The following THOC5 variants were observed in gnomAD, a reference collection of about 807,000 sequenced individuals.
The protein encoded by THOC5 is THO complex subunit 5, also known as Fms-interacting protein.
A neutral mutation model predicts 92.9 loss-of-function variants in THOC5; 43 were observed. The ratio of observed to expected loss-of-function variants is 0.46; its 90% CI spans 0.36 to 0.60. The LOEUF (loss-of-function observed/expected upper bound fraction) is 0.60, where lower values mean the gene tolerates loss of function less well. THOC5 is among the 20% of genes least tolerant of loss of function. The probability of loss-of-function intolerance (pLI) is 0.00; values close to 1 mark genes in which losing one functional copy is unlikely to be tolerated. For synonymous variants in THOC5, 296 were observed against 320.1 expected, an observed-to-expected ratio of 0.92 and a Z score of 0.80; for missense variants, 659 against 849.4, an observed-to-expected ratio of 0.78 and a Z score of 2.79.
chr22:29,545,621 G>A (rs1053031376), intron 2 of THOC5, among the ~76,000 whole-genome samples: 1 of 152,182 alleles, frequency 6.6e-6, no homozygotes, highest in African/African-American at 2.4e-5. Context: ...GTAGGGCAGT[G>A]AAATTTTAAA....
chr22:29,546,470 C>T (rs1279938446), intron 2 of THOC5, among the ~76,000 whole-genome samples: 1 of 151,922 alleles, frequency 6.6e-6, no homozygotes, highest in Non-Finnish European at 1.5e-5. Flanking sequence ...GGTCTTGTCG[C>T]CCAGGCTGGA....
chr22:29,516,712 A>G (rs145524444), intron 17 of THOC5, among the ~76,000 whole-genome samples: 3 of 152,340 alleles, frequency 2.0e-5, no homozygotes, highest in South Asian at 4.1e-4. Flanking sequence ...GATGTCCGGT[A>G]CTAGAAAGCG....
At chr22:29,544,411 C>T in intron 3 of THOC5, 49 bp downstream of exon 3, 2 of 1,586,030 alleles carry the variant, frequency 1.3e-6, no homozygotes, top group Non-Finnish European at 1.7e-6. Context: ...AAAACAGCCT[C>T]ATCTATGTAA....
At chr22:29,544,334 C>T (rs969381212) in intron 3 of THOC5, 126 bp downstream of exon 3, 4 of 993,242 alleles carry the variant, frequency 4.0e-6, no homozygotes, top group Non-Finnish European at 5.6e-6. Context: ...TGGGAGCCCT[C>T]AGGCTCCAAT....
rs1174951008 is a variant in THOC5 at position 29,544,537 on chromosome 22, A to G, written c.163T>C (p.Tyr55His). 2 of 1,614,024 alleles carry G rather than the reference A, an allele frequency of 1.2e-6. No homozygotes were observed. Among genetic ancestry groups the G allele is most frequent in the Non-Finnish European group, 8.5e-7 (1 of 1,179,982 alleles). ...LRDPGRDYEL[Y>H]KYTCQELQRL... ...TGTAGCTCCTGGCAGGTGTACTTGTATAACTCATAGTCTCTGCCAGGGTCC... is the reference window on the plus strand; with the variant it reads ...TGTAGCTCCTGGCAGGTGTACTTGTGTAACTCATAGTCTCTGCCAGGGTCC... The change falls in exon 3 of 20, where the codon TAC becomes CAC. Residue 55 changes from tyrosine (Y) to histidine (H), a missense_variant. By Grantham distance (83) the Tyr-to-His change is moderately conservative. Coordinates refer to ENST00000490103, the MANE Select transcript of THOC5 (RefSeq NM_003678.5).
At chr22:29,508,849 G>A (rs778882074) in intron 19 of THOC5, among the ~76,000 whole-genome samples, 2 of 151,948 alleles carry the variant, frequency 1.3e-5, no homozygotes, top group African/African-American at 4.8e-5. Flanking sequence ...AGGCTGGAGT[G>A]CAGTGGCGTG....
chr22:29,534,454 G>A (rs1437659056), intron 7 of THOC5: 3 of 151,760 alleles, frequency 2.0e-5, no homozygotes, highest in East Asian at 1.9e-4. Flanking sequence ...GTAATATATG[G>A]TACACTGTTT....
chr22:29,509,579 A>ACT (rs1221754421), intron 19 of THOC5, among the ~76,000 whole-genome samples: 1 of 152,248 alleles, frequency 6.6e-6, no homozygotes, highest in Non-Finnish European at 1.5e-5. Context: ...GGATGCTGGG[A>ACT]CTGCTTCTAG....
At chr22:29,541,879 AAAAAAAAAAAAAAAATAT>A (rs2063898916) in intron 5 of THOC5, among the ~76,000 whole-genome samples, 1 of 70,836 alleles carries the variant, frequency 1.4e-5, no homozygotes, top group Non-Finnish European at 3.0e-5. Context: ...AAAAAAAAAA[AAAAAAAAAAAAAAAATAT>A]ATATATATAT....
chr22:29,536,521 C>A, intron 7 of THOC5, 103 bp downstream of exon 7: 1 of 706,498 alleles, frequency 1.4e-6, no homozygotes, highest in South Asian at 1.6e-5. Flanking sequence ...TTATACTATA[C>A]TCTAATTTAG....
rs1047405602 is a variant in THOC5 at position 29,528,588 on chromosome 22, T to C, written c.926-122A>G. The C allele has an allele frequency of 1.1e-5, 10 of 902,276 alleles. No homozygotes were observed. The Admixed American group carries it at 1.8e-4, about 17-fold the overall frequency. The allele number at this position is 902,276 out of a possible 1,614,324, so 55.9% of individuals were successfully genotyped here. A position where few individuals can be genotyped will look rare whatever the true frequency, so the allele number is the denominator to read the frequency against. On this transcript the variant is annotated intron_variant, in intron 9 of 19. Coordinates refer to ENST00000490103, the MANE Select transcript of THOC5 (RefSeq NM_003678.5). Reference sequence around the variant, plus strand: ...CTTTTGTAAATAAGTTTCTCTGTAATAAATAATAAATTAACTTGCTGCTTC... The same window carrying C: ...CTTTTGTAAATAAGTTTCTCTGTAACAAATAATAAATTAACTTGCTGCTTC...
intron 7 of THOC5, 46 bp downstream of exon 7, chr22:29,536,578 C>T (rs202085704): frequency 2.6e-5 from 30 of 1,146,182 alleles, no homozygotes; most frequent in South Asian, 1.4e-4. Flanking sequence ...CTTCTGGCAG[C>T]GCCTGGTCAG....
At chr22:29,536,847 A>G (rs73388932) in intron 6 of THOC5, 109 bp from the exon 7 acceptor site, 2 of 701,620 alleles carry the variant, frequency 2.9e-6, no homozygotes, top group Non-Finnish European at 5.2e-6. Flanking sequence ...TTAACTGCCA[A>G]TGTTTATCCA....
At position 29,521,020 on chromosome 22, in the gene THOC5, G is replaced by C. The variant is rs185059963; in HGVS notation, c.1255C>G (p.Gln419Glu). The change falls in exon 13 of 20, where the codon CAG becomes GAG. Residue 419 changes from glutamine (Q) to glutamate (E), a missense_variant. Coordinates refer to ENST00000490103, the MANE Select transcript of THOC5 (RefSeq NM_003678.5). ...HGKKTPNPAN[Q>E]YQFDKVGILT... ...CACCCAACTTTATCAAACTGATACT[G>C]ATTGGCTGGATTCGGAGTTTTCTTT... 11 of 1,614,088 alleles carry C rather than the reference G, an allele frequency of 6.8e-6. No individual in the cohort carries two copies. In the East Asian group the frequency reaches 2.5e-4, roughly 36 times the overall value.
chr22:29,542,804 A>T, intron 5 of THOC5, 55 bp downstream of exon 5: 2 of 1,220,396 alleles, frequency 1.6e-6, no homozygotes, highest in Non-Finnish European at 2.4e-6. Context: ...GCTACATGGG[A>T]AAAAGCAGTT....
chr22:29,526,258 C>T (rs1310969358), intron 11 of THOC5, among the ~76,000 whole-genome samples: 10 of 152,096 alleles, frequency 6.6e-5, no homozygotes, highest in Non-Finnish European at 8.8e-5. Context: ...ATCGGCCAGG[C>T]GCGGTGGCTC....
At chr22:29,521,950 C>T (rs776843549) in intron 12 of THOC5, among the ~76,000 whole-genome samples, 3 of 151,924 alleles carry the variant, frequency 2.0e-5, no homozygotes, top group African/African-American at 7.3e-5. Flanking sequence ...CATGCTAGGA[C>T]AGTGGAGGCT....
chr22:29,511,505 T>C (rs1601375889), intron 18 of THOC5: 1 of 552,150 alleles, frequency 1.8e-6, no homozygotes. Context: ...CCCATAGCTT[T>C]CCCTGCCTCA....
chr22:29,512,164 CG>C (rs780207739), intron 17 of THOC5, 28 bp from the exon 18 acceptor site: 1 of 1,599,802 alleles, frequency 6.3e-7, no homozygotes, highest in Non-Finnish European at 8.6e-7. Context: ...AGGGGAAATG[CG>C]CAGTTCTAAG....
Sources: gnomAD v4.1 joint callset for allele counts (sites outside exome capture counted in the v4.1 genomes callset) on GRCh38, gnomAD v4.1.1 for gene constraint, MANE v1.5 for transcripts, NCBI Gene and HGNC (gene_info 2026-07-23, HGNC 2026-07-21) for gene names.